The following ZNF467 variants were observed in gnomAD, a reference collection of about 807,000 sequenced individuals.
The protein encoded by ZNF467 is zinc finger protein EZI.
A neutral mutation model predicts 47.8 loss-of-function variants in ZNF467; 51 were observed. The ratio of observed to expected loss-of-function variants is 1.07; its 90% CI spans 0.85 to 1.35. ZNF467 has a LOEUF of 1.35. ZNF467 is among the 40% of genes most tolerant of loss of function. The probability of loss-of-function intolerance (pLI) is 0.00; values close to 1 mark genes in which losing one functional copy is unlikely to be tolerated. For synonymous variants in ZNF467, 416 were observed against 372.9 expected (o/e 1.12, Z -1.33); for missense variants, 992 against 858.1 (o/e 1.16, Z -1.95).
At chr7:149,772,514 C>G (rs1306038239) in intron 1 of ZNF467, among the ~76,000 whole-genome samples, 2 of 139,144 alleles carry the variant, frequency 1.4e-5, no homozygotes, top group Non-Finnish European at 3.1e-5. Context: ...CTCCGAACAC[C>G]CCTCCGCGCC....
upstream of ZNF467, chr7:149,776,506 C>G: frequency 7.6e-7 from 1 of 1,313,720 alleles, no homozygotes; most frequent in Non-Finnish European, 1.0e-6. Context: ...GTCCCCAGCG[C>G]CTGGGCTCTG....
chr7:149,773,548 T>G lies in ZNF467; in HGVS notation c.-483A>C. On this transcript the variant is annotated 5_prime_UTR_variant, in exon 1 of 5. Coordinates refer to ENST00000302017, the MANE Select transcript of ZNF467 (RefSeq NM_207336.3). The stretch of plus-strand genomic sequence containing the variant: ...AGGGGGTGGAGGAGGGCGAGGAGGC[T>G]GGGGAGGACAGGCACTCGGGCTGCG... The G allele has an allele frequency of 7.9e-6, 1 of 126,174 alleles. No individual in the cohort carries two copies. The highest frequency in any genetic ancestry group is 8.0e-5 in the Admixed American group (1 of 12,464). The allele number at this position is 126,174 out of a possible 1,614,324, so 7.8% of individuals were successfully genotyped here.
At chr7:149,771,954 C>A (rs1218109986) in intron 1 of ZNF467, among the ~76,000 whole-genome samples, 3 of 150,166 alleles carry the variant, frequency 2.0e-5, no homozygotes, top group African/African-American at 7.4e-5. Flanking sequence ...CGGGCCGCCT[C>A]GGCGGCAGCG....
Position 149,765,707 on chromosome 7 carries a change from G to C in ZNF467, c.795C>G (p.Thr265=), listed in dbSNP as rs767417803. 6.2e-7 allele frequency: 1 copy of C among 1,613,398 alleles called. No homozygotes were observed. Residue 265 remains threonine (T), a synonymous_variant, in exon 5 of 5, where the codon ACC becomes ACG. Transcript: ENST00000302017. The part of the protein sequence containing the change: ...QKIHLGSHQK[T]HTGERPFPCT... Reference sequence around the variant, plus strand: ...AGGGGAAGGGCCGCTCGCCGGTGTGGGTCTTTTGGTGCGAGCCCAGGTGGA... The same window carrying C: ...AGGGGAAGGGCCGCTCGCCGGTGTGCGTCTTTTGGTGCGAGCCCAGGTGGA...
Position 149,765,160 on chromosome 7 carries a change from G to A in ZNF467, c.1342C>T (p.Arg448Trp), listed in dbSNP as rs1217273864. 11 of 1,496,588 alleles carry A rather than the reference G, an allele frequency of 7.4e-6. No individual in the cohort carries two copies. The highest frequency in any genetic ancestry group is 3.9e-4 in the Middle Eastern group (2 of 5,134). 92.7% of individuals were successfully genotyped at this position (1,496,588 alleles called of 1,614,324 possible). The part of the protein sequence containing the change: ...RGFSHGQHLA[R>W]HPRVHTGERP... ...TCGCCCGTGTGCACGCGCGGGTGCC[G>A]CGCCAGGTGCTGCCCATGGGAGAAG... The change falls in exon 5 of 5, where the codon CGG becomes TGG. Residue 448 changes from arginine (R) to tryptophan (W), a missense_variant. Physicochemically the swap from Arg to Trp is moderately radical, Grantham distance 101. Coordinates refer to ENST00000302017, the MANE Select transcript of ZNF467 (RefSeq NM_207336.3).
At chr7:149,775,046 G>A (rs915296439), upstream of ZNF467, among the ~76,000 whole-genome samples, 33 of 152,228 alleles carry the variant, frequency 2.2e-4, no homozygotes, top group African/African-American at 7.5e-4. Context: ...GGTGGACCCC[G>A]GATTCCCCTG....
chr7:149,764,677 A>C lies in ZNF467; in HGVS notation c.*37T>G. On this transcript the variant is annotated 3_prime_UTR_variant, in exon 5 of 5. Transcript: ENST00000302017. ...CGGTCTCATGGCACGGGCCTCTCGAAACTGTGGGCAAGAAAGGGTCCTCGT... is the reference window on the plus strand; with the variant it reads ...CGGTCTCATGGCACGGGCCTCTCGACACTGTGGGCAAGAAAGGGTCCTCGT... 1 of 1,575,034 alleles carries C rather than the reference A, an allele frequency of 6.3e-7. No homozygotes were observed. The highest frequency in any genetic ancestry group is 8.6e-7 in the Non-Finnish European group (1 of 1,157,576).
At chr7:149,775,824 G>GC (rs1799558913), upstream of ZNF467, among the ~76,000 whole-genome samples, 1 of 152,214 alleles carries the variant, frequency 6.6e-6, no homozygotes, top group Non-Finnish European at 1.5e-5. Flanking sequence ...CCTCTGAGGG[G>GC]CTGGTGTGGC....
chr7:149,764,618 G>T lies in ZNF467; in HGVS notation c.*96C>A. On this transcript the variant is annotated 3_prime_UTR_variant, in exon 5 of 5. Coordinates refer to ENST00000302017, the MANE Select transcript of ZNF467 (RefSeq NM_207336.3). The stretch of plus-strand genomic sequence containing the variant: ...GGTGTCCCGCGGCGGCCAAACCTTC[G>T]GGCAGCAGCCCAGGTCGCCTTGCTC... The T allele has an allele frequency of 1.3e-6, 2 of 1,548,752 alleles. No individual in the cohort carries two copies. The highest frequency in any genetic ancestry group is 1.7e-6 in the Non-Finnish European group (2 of 1,146,352).
Position 149,764,580 on chromosome 7 carries a change from C to A in ZNF467, c.*134G>T, listed in dbSNP as rs867153654. ...GTATGCTGTGCGGACGCAGACACTG[C>A]GGGAAGGAAACAGGTGTCCCGCGGC... On this transcript the variant is annotated 3_prime_UTR_variant, in exon 5 of 5. Coordinates refer to ENST00000302017, the MANE Select transcript of ZNF467 (RefSeq NM_207336.3). 6.7e-7 allele frequency: 1 copy of A among 1,485,730 alleles called. No individual in the cohort carries two copies. Among genetic ancestry groups the A allele is most frequent in the Middle Eastern group, 1.7e-4 (1 of 5,874 alleles). The allele number at this position is 1,485,730 out of a possible 1,614,324, so 92.0% of individuals were successfully genotyped here. A position where few individuals can be genotyped will look rare whatever the true frequency, so the allele number is the denominator to read the frequency against.
At position 149,765,686 on chromosome 7, in the gene ZNF467, GA is replaced by G. The variant is rs1026118380; in HGVS notation, c.815del (p.Phe272SerfsTer16). On this transcript the variant is annotated frameshift_variant, in exon 5 of 5. Coordinates refer to ENST00000302017, the MANE Select transcript of ZNF467 (RefSeq NM_207336.3). LOFTEE classifies it high-confidence loss of function. ...AGCGCTTCTCGCATTCCGTGCAGGG[GA>G]AGGGCCGCTCGCCGGTGTGGGTCTT... is the stretch of plus-strand genomic sequence containing the variant. ...HQKTHTGERP[F>X]PCTECEKRFR... 1.9e-6 allele frequency: 3 copies of G among 1,613,360 alleles called. No homozygotes were observed. The African/African-American group carries it at 4.0e-5, about 22-fold the overall frequency.
rs765709320 is a variant in ZNF467, at chr7:149,765,046, G to A, written c.1456C>T (p.Pro486Ser). ...AHSRAHSGAR[P>S]FACAQCGRRF... ...CGGCCGCACTGAGCGCAGGCGAAAG[G>A]CCTGGCGCCGCTGTGGGCCCTGGAG... is the stretch of plus-strand genomic sequence containing the variant. Residue 486 changes from proline (P) to serine (S), a missense_variant, in exon 5 of 5, where the codon CCT becomes TCT. Pro to Ser is a moderately conservative substitution (Grantham distance 74). Coordinates refer to ENST00000302017, the MANE Select transcript of ZNF467 (RefSeq NM_207336.3). 6.6e-7 allele frequency: 1 copy of A among 1,514,688 alleles called. No individual in the cohort carries two copies. Among genetic ancestry groups the A allele is most frequent in the East Asian group, 2.5e-5 (1 of 40,260 alleles). 93.8% of individuals were successfully genotyped at this position (1,514,688 alleles called of 1,614,324 possible).
Position 149,771,079 on chromosome 7 carries a change from G to C in ZNF467, c.-42-5C>G. 1.9e-6 allele frequency: 3 copies of C among 1,613,424 alleles called. No individual in the cohort carries two copies. Among genetic ancestry groups the C allele is most frequent in the Non-Finnish European group, 2.5e-6 (3 of 1,179,534 alleles). On this transcript the variant is annotated splice_region_variant and splice_polypyrimidine_tract_variant and intron_variant, in intron 1 of 4. Coordinates refer to ENST00000302017, the MANE Select transcript of ZNF467 (RefSeq NM_207336.3). ...CTGGGGATCAGGCCACAGAACCTAT[G>C]GAGAAAAGACAGCCTTGTTCAGATT...
intron 4 of ZNF467, among the ~76,000 whole-genome samples, chr7:149,767,817 G>A (rs1313782969): frequency 1.3e-5 from 2 of 152,128 alleles, no homozygotes; most frequent in East Asian, 1.9e-4. Flanking sequence ...TTCCTGAGTC[G>A]CTGGGATTAC....
chr7:149,775,928 G>A, upstream of ZNF467: 1 of 790,272 alleles, frequency 1.3e-6, no homozygotes, highest in South Asian at 1.4e-5. Flanking sequence ...GGGCTGCGGG[G>A]AGGCTGCGTG....
chr7:149,766,164 T>G lies in ZNF467; in HGVS notation c.338A>C (p.Gln113Pro). Reference protein sequence around the residue: ...QEAEEEVEWPQHLSLLPSPFP... With the variant: ...QEAEEEVEWPPHLSLLPSPFP... ...GGGGCTGGGAAGTAACGATAGATGC[T>G]GGGGCCATTCGACCTCCTCTTCTGC... The change falls in exon 5 of 5, where the codon CAG (glutamine) becomes CCG (proline). Residue 113 changes from glutamine (Q) to proline (P), a missense_variant. Transcript: ENST00000302017. 6.3e-7 allele frequency: 1 copy of G among 1,576,736 alleles called. No homozygotes were observed. The highest frequency in any genetic ancestry group is 1.1e-5 in the South Asian group (1 of 87,898).
Position 149,764,889 on chromosome 7 carries a change from G to T in ZNF467, c.1613C>A (p.Thr538Lys). 3 of 1,566,240 alleles carry T rather than the reference G, an allele frequency of 1.9e-6. No homozygotes were observed. Among genetic ancestry groups the T allele is most frequent in the Non-Finnish European group, 2.6e-6 (3 of 1,158,348 alleles). Reference sequence around the variant, plus strand: ...CGGGCAGGAGAAGGGGCGGGAGCCTGTGTGGATCGCCTGGTGGCGGACTAG... The same window carrying T: ...CGGGCAGGAGAAGGGGCGGGAGCCTTTGTGGATCGCCTGGTGGCGGACTAG... ...TNLVRHQAIH[T>K]GSRPFSCPQC... The change falls in exon 5 of 5, where the codon ACA (threonine) becomes AAA (lysine). Residue 538 changes from threonine to lysine, a missense_variant. By Grantham distance (78) the Thr-to-Lys change is moderately conservative. Transcript: ENST00000302017.
At position 149,764,607 on chromosome 7, in the gene ZNF467, G is replaced by A. The variant is rs748442360; in HGVS notation, c.*107C>T. On this transcript the variant is annotated 3_prime_UTR_variant, in exon 5 of 5. Coordinates refer to ENST00000302017, the MANE Select transcript of ZNF467 (RefSeq NM_207336.3). ...GGAAGGAAACAGGTGTCCCGCGGCGGCCAAACCTTCGGGCAGCAGCCCAGG... is the reference window on the plus strand; with the variant it reads ...GGAAGGAAACAGGTGTCCCGCGGCGACCAAACCTTCGGGCAGCAGCCCAGG... 2.6e-6 allele frequency: 4 copies of A among 1,543,180 alleles called. No homozygotes were observed. Among genetic ancestry groups the A allele is most frequent in the African/African-American group, 1.4e-5 (1 of 73,010 alleles).
At chr7:149,774,544 C>G (rs374239091), upstream of ZNF467, among the ~76,000 whole-genome samples, 8 of 152,268 alleles carry the variant, frequency 5.3e-5, no homozygotes, top group East Asian at 7.7e-4. This position sits in a 1 kb window ranked among gnomAD's most constrained non-coding sequence, Gnocchi z 5.7. Context: ...CACAGCCCAC[C>G]ACAAGGATGA....
Sources: allele counts gnomAD v4.1 joint callset (sites outside exome capture counted in the v4.1 genomes callset), GRCh38; gene constraint gnomAD v4.1.1; non-coding constraint Gnocchi (gnomAD v3.1); transcripts MANE v1.5; gene names NCBI Gene and HGNC (gene_info 2026-07-23, HGNC 2026-07-21).